TEX101: variants seen among roughly 807,000 people sequenced by gnomAD.
TEX101 encodes the protein testis expressed 101.
TEX101 carries 10 observed loss-of-function variants against 18.1 expected under a neutral mutation model. The ratio of observed to expected loss-of-function variants is 0.55; its 90% confidence interval spans 0.34 to 0.94. The LOEUF (loss-of-function observed/expected upper bound fraction) is 0.94. Among genes scored for constraint, TEX101 ranks in the 40% least tolerant of loss-of-function variants. The probability of loss-of-function intolerance (pLI) is 0.02; values close to 1 mark genes in which losing one functional copy is unlikely to be tolerated. For missense variants in TEX101, 259 were observed against 298.9 expected (o/e 0.87, Z 0.98); for synonymous variants, 94 against 114.8 (o/e 0.82, Z 1.16).
At chr19:43,417,012 C>T (rs1970486860) in intron 4 of TEX101, among the ~76,000 whole-genome samples, 1 of 130,120 alleles carries the variant, frequency 7.7e-6, no homozygotes, top group Non-Finnish European at 1.6e-5. Context: ...CAGCCTGGGA[C>T]AGAGAGCAAG....
At chr19:43,417,755 C>T (rs1176109098) in intron 4 of TEX101, 123 bp from the exon 5 acceptor site, 1 of 1,265,682 alleles carries the variant, frequency 7.9e-7, no homozygotes, top group Admixed American at 2.0e-5. Flanking sequence ...GATGGGGAGG[C>T]TGAAGTAATG....
chr19:43,409,626 AG>A (rs1194057510), intron 3 of TEX101, among the ~76,000 whole-genome samples: 3 of 151,886 alleles, frequency 2.0e-5, no homozygotes, highest in Non-Finnish European at 2.9e-5. Context: ...AAAAAAAAAA[AG>A]AAAGAAAGAA....
chr19:43,409,573 T>C (rs1233117752), intron 3 of TEX101, among the ~76,000 whole-genome samples: 1 of 148,740 alleles, frequency 6.7e-6, no homozygotes, highest in African/African-American at 2.5e-5. Context: ...GAAAAAGATA[T>C]ACCATGCAAA....
At position 43,415,895 on chromosome 19, in the gene TEX101, C is replaced by A. The variant is rs200651453; in HGVS notation, c.-25C>A. On this transcript the variant is annotated 5_prime_UTR_variant, in exon 2 of 6. Coordinates refer to ENST00000598265, the MANE Select transcript of TEX101 (RefSeq NM_001130011.3). The stretch of plus-strand genomic sequence containing the variant: ...CAAATTCACAGATCCAGACCAGCTC[C>A]TCCCAGACCTCTCCAGAAGAAGCCA... 1 of 1,614,126 alleles carries A rather than the reference C, an allele frequency of 6.2e-7. No individual in the cohort carries two copies. The highest frequency in any genetic ancestry group is 8.5e-7 in the Non-Finnish European group (1 of 1,180,020).
upstream of TEX101, among the ~76,000 whole-genome samples, chr19:43,413,120 C>T (rs2122339983): frequency 6.6e-6 from 1 of 152,300 alleles, no homozygotes; most frequent in East Asian, 1.9e-4. Flanking sequence ...TGTTCTGTTA[C>T]CTGATGCATG....
At chr19:43,401,005 C>T (rs551539025), upstream of TEX101, among the ~76,000 whole-genome samples, 63 of 152,318 alleles carry the variant, frequency 4.1e-4, 1 homozygote, top group South Asian at 0.012. Flanking sequence ...ATTTCTGACA[C>T]ATGTTCTATA....
At chr19:43,400,838 T>C (rs544894274), upstream of TEX101, among the ~76,000 whole-genome samples, 1 of 152,322 alleles carries the variant, frequency 6.6e-6, no homozygotes, top group South Asian at 2.1e-4. Context: ...CCCCTTTTTT[T>C]CCCTCCCTCC....
At chr19:43,415,473 AC>A (rs983170457) in intron 1 of TEX101, among the ~76,000 whole-genome samples, 3 of 152,040 alleles carry the variant, frequency 2.0e-5, no homozygotes, top group African/African-American at 7.2e-5. Flanking sequence ...CATAAACCCC[AC>A]TGTGAGGCCG....
chr19:43,391,406 CTTTT>C, the TEX101 span, among the ~76,000 whole-genome samples: 52 of 95,904 alleles, frequency 5.4e-4, no homozygotes, highest in Admixed American at 2.1e-3. Flanking sequence ...TTCTGTTTTT[CTTTT>C]TTTTTTTTTT....
chr19:43,389,729 C>T, the TEX101 span, among the ~76,000 whole-genome samples: 8 of 152,184 alleles, frequency 5.3e-5, no homozygotes, highest in African/African-American at 9.7e-5. Flanking sequence ...ACCCCTCAGC[C>T]GGATGCCTAG....
chr19:43,418,252 C>T lies in TEX101; in HGVS notation c.605C>T (p.Pro202Leu). The T allele has an allele frequency of 1.9e-6, 3 of 1,614,172 alleles. No homozygotes were observed. Among genetic ancestry groups the T allele is most frequent in the Non-Finnish European group, 2.5e-6 (3 of 1,180,028 alleles). ...RLMSGILAVGPMFVREACPHQ... is the reference protein window; with the variant it reads ...RLMSGILAVGLMFVREACPHQ... ...ATGTCTGGAATCTTAGCAGTAGGAC[C>T]CATGTTTGTGAGGGAAGCGTGCCCA... The change falls in exon 6 of 6, where the codon CCC becomes CTC. Residue 202 changes from proline (P) to leucine (L), a missense_variant. Coordinates refer to ENST00000598265, the MANE Select transcript of TEX101 (RefSeq NM_001130011.3).
At chr19:43,407,988 AAGTT>A (rs59066950) in intron 3 of TEX101, among the ~76,000 whole-genome samples, 3 of 152,060 alleles carry the variant, frequency 2.0e-5, no homozygotes, top group Admixed American at 6.5e-5. Flanking sequence ...GATCTGTTGA[AAGTT>A]AGCCCTCCAC....
intron 1 of TEX101, 139 bp from the exon 2 acceptor site, chr19:43,415,742 A>C: frequency 1.4e-6 from 1 of 706,924 alleles, no homozygotes; most frequent in East Asian, 2.5e-5. Flanking sequence ...CCTGGGCGAC[A>C]GTGCAAGACT....
the TEX101 span, among the ~76,000 whole-genome samples, chr19:43,389,722 C>A: frequency 3.3e-5 from 5 of 152,176 alleles, no homozygotes; most frequent in Non-Finnish European, 7.3e-5. Flanking sequence ...GCACCCGACC[C>A]CTCAGCCGGA....
chr19:43,410,086 T>G (rs1970405314), upstream of TEX101, among the ~76,000 whole-genome samples: 1 of 152,092 alleles, frequency 6.6e-6, no homozygotes, highest in South Asian at 2.1e-4. Context: ...GGCTTACAAC[T>G]CATTGTTTTG....
chr19:43,400,589 T>C (rs370870463), upstream of TEX101, among the ~76,000 whole-genome samples: 1 of 152,222 alleles, frequency 6.6e-6, no homozygotes. Flanking sequence ...AAGATCTATC[T>C]CACTAGAGTT....
At chr19:43,396,487 T>G in the TEX101 span, among the ~76,000 whole-genome samples, 1 of 152,238 alleles carries the variant, frequency 6.6e-6, no homozygotes, top group South Asian at 2.1e-4. Context: ...AGGCGCTTAA[T>G]CACAAGCATA....
the TEX101 span, among the ~76,000 whole-genome samples, chr19:43,395,460 G>A: frequency 1.8e-4 from 27 of 152,184 alleles, no homozygotes; most frequent in Admixed American, 1.8e-3. Context: ...GTGGCTGCAT[G>A]GATTTCTTAT....
chr19:43,417,030 C>CAAAAAA (rs746528568), intron 4 of TEX101, among the ~76,000 whole-genome samples: 1 of 70,536 alleles, frequency 1.4e-5, no homozygotes, highest in African/African-American at 4.8e-5. Flanking sequence ...AAGACTCCAT[C>CAAAAAA]AAAAAAAAAA....
Sources: gnomAD v4.1 joint callset for allele counts (sites outside exome capture counted in the v4.1 genomes callset) on GRCh38, gnomAD v4.1.1 for gene constraint, MANE v1.5 for transcripts, NCBI Gene and HGNC (gene_info 2026-07-23, HGNC 2026-07-21) for gene names.